KCNH6: variants seen among roughly 807,000 people sequenced by gnomAD.
KCNH6 encodes potassium voltage-gated channel subfamily H member 6.
Under a neutral mutation model 83.4 loss-of-function variants are expected in KCNH6, and 81 were observed. The observed-to-expected ratio is 0.97, with a 90% CI of 0.81 to 1.17. The LOEUF (loss-of-function observed/expected upper bound fraction) is 1.17. Among genes scored for constraint, KCNH6 ranks in the 50% most tolerant of loss-of-function variants. KCNH6 has a pLI of 0.00. For synonymous variants in KCNH6, 503 were observed against 545.6 expected (o/e 0.92, Z 1.09); for missense variants, 1,203 against 1,290.5 (o/e 0.93, Z 1.04).
chr17:63,538,257 T>G lies in KCNH6; in HGVS notation c.1694T>G (p.Met565Arg), dbSNP rs1400688345. ...TGGTCCTACACCAATGGCATTGACA[T>G]GAACGCGGTGAGCCCCGCCGCTCCG... ...HAWSYTNGID[M>R]NAVLKGFPEC... Residue 565 changes from methionine (M) to arginine (R), a missense_variant, in exon 7 of 13, where the codon ATG becomes AGG. By Grantham distance (91) the Met-to-Arg change is moderately conservative. Coordinates refer to ENST00000314672, the MANE Select transcript of KCNH6 (RefSeq NM_001278919.2). The surrounding 1 kb of genome is among the most constrained non-coding windows in gnomAD (Gnocchi z 4.0). 5 of 1,613,662 alleles carry G rather than the reference T, an allele frequency of 3.1e-6. No individual in the cohort carries two copies. The highest frequency in any genetic ancestry group is 4.2e-6 in the Non-Finnish European group (5 of 1,179,928).
At chr17:63,541,636 G>A (rs1377143584) in intron 8 of KCNH6, among the ~76,000 whole-genome samples, 2 of 152,160 alleles carry the variant, frequency 1.3e-5, no homozygotes, top group East Asian at 3.9e-4. Flanking sequence ...CACCTCATCT[G>A]CTTCCCTGAA....
chr17:63,531,755 A>AG (rs1396660717), intron 4 of KCNH6, among the ~76,000 whole-genome samples: 1 of 152,104 alleles, frequency 6.6e-6, no homozygotes, highest in Non-Finnish European at 1.5e-5. Flanking sequence ...GCTACCACGG[A>AG]GGGGGCTGTT....
Position 63,523,364 on chromosome 17 carries a change from G to A in KCNH6, c.-50G>A, listed in dbSNP as rs772620848. The A allele has an allele frequency of 2.1e-5, 32 of 1,522,810 alleles. No individual in the cohort carries two copies. Among genetic ancestry groups the A allele is most frequent in the Admixed American group, 9.5e-5 (5 of 52,880 alleles). The allele number at this position is 1,522,810 out of a possible 1,614,324, so 94.3% of individuals were successfully genotyped here. On this transcript the variant is annotated 5_prime_UTR_variant, in exon 1 of 13. Coordinates refer to ENST00000314672, the MANE Select transcript of KCNH6 (RefSeq NM_001278919.2). The surrounding 1 kb of genome is among the most constrained non-coding windows in gnomAD (Gnocchi z 4.2). Reference sequence around the variant, plus strand: ...GCTGAGCCCGAGGACAGACGGAGACGCCGGGAGCCAGTGGCGCCTGTGGCT... The same window carrying A: ...GCTGAGCCCGAGGACAGACGGAGACACCGGGAGCCAGTGGCGCCTGTGGCT...
Position 63,538,301 on chromosome 17 carries a change from G to GA in KCNH6, c.1701+37_1701+38insA, listed in dbSNP as rs757878179. On this transcript the variant is annotated intron_variant, in intron 7 of 12. Transcript: ENST00000314672. This position sits in a 1 kb window ranked among gnomAD's most constrained non-coding sequence, Gnocchi z 4.0. ...CGCTCCGGCTAATGCCCCGGGCGTG[G>GA]GGGGGAGCCAAGATCCTGCGGGGGC... The GA allele has an allele frequency of 4.4e-5, 70 of 1,608,478 alleles. 1 individual carries two copies. The highest frequency in any genetic ancestry group is 2.7e-4 in the South Asian group (25 of 91,044).
downstream of KCNH6, among the ~76,000 whole-genome samples, chr17:63,548,143 G>A (rs1194334047): frequency 6.6e-6 from 1 of 152,132 alleles, no homozygotes; most frequent in African/African-American, 2.4e-5. Flanking sequence ...GCAGGTGCCT[G>A]TAGTCCCAGC....
chr17:63,536,825 A>G (rs1028967315), intron 6 of KCNH6, among the ~76,000 whole-genome samples: 3 of 150,802 alleles, frequency 2.0e-5, no homozygotes, highest in African/African-American at 7.3e-5. Flanking sequence ...GTGGTGGTAC[A>G]CACCTGTAAT....
In KCNH6 at chr17:63,545,089, G is replaced by C; in HGVS notation, c.2408G>C (p.Arg803Pro). 1 of 1,613,046 alleles carries C rather than the reference G, an allele frequency of 6.2e-7. No homozygotes were observed. Among genetic ancestry groups the C allele is most frequent in the East Asian group, 2.2e-5 (1 of 44,886 alleles). Residue 803 changes from arginine (R) to proline (P), a missense_variant, in exon 12 of 13, where the codon CGC becomes CCC. Arg to Pro is a moderately radical substitution (Grantham distance 103). Coordinates refer to ENST00000314672, the MANE Select transcript of KCNH6 (RefSeq NM_001278919.2). ...LQAQMNRLES[R>P]VSSDLSRILQ... is the part of the protein sequence containing the mutation. ...GTTCTGTCTGGCAGGCTGGAGTCCC[G>C]CGTGTCCTCAGACCTCAGCCGCATC...
intron 8 of KCNH6, among the ~76,000 whole-genome samples, chr17:63,541,108 G>C (rs1216798141): frequency 2.6e-5 from 4 of 152,118 alleles, no homozygotes. Context: ...ATCTTGCAGG[G>C]ATTTGGGAGG....
intron 2 of KCNH6, among the ~76,000 whole-genome samples, chr17:63,529,705 C>G (rs1200817943): frequency 6.6e-6 from 1 of 152,138 alleles, no homozygotes; most frequent in African/African-American, 2.4e-5. Flanking sequence ...GGGAAGAGCG[C>G]CCAGGGCCAA....
In KCNH6 at chr17:63,542,395, C is replaced by T. The variant is rs1247566024; in HGVS notation, c.2109C>T (p.Ser703=). 6.2e-7 allele frequency: 1 copy of T among 1,614,038 alleles called. No homozygotes were observed. The highest frequency in any genetic ancestry group is 8.5e-7 in the Non-Finnish European group (1 of 1,180,040). Residue 703 remains serine (S), a synonymous_variant, in exon 9 of 13, where the codon AGC becomes AGT. Transcript: ENST00000314672. ...ACATGTACCCGGCCTTTGCGGAGAG[C>T]TTCTGGAGTAAGCTGGAGGTCACCT... ...VLDMYPAFAE[S]FWSKLEVTFN... is the part of the protein sequence containing the mutation.
At position 63,545,065 on chromosome 17, in the gene KCNH6, T is replaced by C. The variant is rs780200583; in HGVS notation, c.2397-13T>C. ...GCCAGCCCTGACCCTGACTGTGGGG[T>C]TCTGTCTGGCAGGCTGGAGTCCCGC... On this transcript the variant is annotated splice_polypyrimidine_tract_variant and intron_variant, in intron 11 of 12. Transcript: ENST00000314672. The C allele has an allele frequency of 6.2e-7, 1 of 1,610,830 alleles. No homozygotes were observed.
chr17:63,541,288 T>A (rs2032845400), intron 8 of KCNH6, among the ~76,000 whole-genome samples: 1 of 86,302 alleles, frequency 1.2e-5, no homozygotes, highest in Admixed American at 9.5e-5. Context: ...GCCTCTTGCT[T>A]TTTTTTTTTT....
Position 63,535,600 on chromosome 17 carries a change from A to C in KCNH6, c.1102-69A>C. ...TATGTGGTTGTATGCATGAGTGAAC[A>C]AAAGCAGGCCTGACTGCACCCTTCC... On this transcript the variant is annotated intron_variant, in intron 5 of 12. Coordinates refer to ENST00000314672, the MANE Select transcript of KCNH6 (RefSeq NM_001278919.2). This position sits in a 1 kb window ranked among gnomAD's most constrained non-coding sequence, Gnocchi z 4.9. 1 of 1,457,988 alleles carries C rather than the reference A, an allele frequency of 6.9e-7. No individual in the cohort carries two copies. The highest frequency in any genetic ancestry group is 9.3e-7 in the Non-Finnish European group (1 of 1,079,074). The allele number at this position is 1,457,988 out of a possible 1,614,324, so 90.3% of individuals were successfully genotyped here.
chr17:63,545,666 A>G lies in KCNH6; in HGVS notation c.2641A>G (p.Arg881Gly), dbSNP rs1010718489. 52 of 1,613,900 alleles carry G rather than the reference A, an allele frequency of 3.2e-5. No individual in the cohort carries two copies. The highest frequency in any genetic ancestry group is 4.3e-5 in the Non-Finnish European group (51 of 1,179,996). Residue 881 changes from arginine to glycine, a missense_variant, in exon 13 of 13, where the codon AGG becomes GGG. Coordinates refer to ENST00000314672, the MANE Select transcript of KCNH6 (RefSeq NM_001278919.2). ...CSPKHRNSSP[R>G]MPHLAVATDK... is the part of the protein sequence containing the mutation. ...TCCAAAGCACAGGAACTCCTCCCCCAGGATGCCTCACCTGGCTGTGGCAAC... is the reference window on the plus strand; with the variant it reads ...TCCAAAGCACAGGAACTCCTCCCCCGGGATGCCTCACCTGGCTGTGGCAAC...
At chr17:63,530,660 C>A in intron 4 of KCNH6, 118 bp downstream of exon 4, 2 of 869,830 alleles carry the variant, frequency 2.3e-6, no homozygotes, top group Non-Finnish European at 1.8e-6. Context: ...GCCTGTCCAG[C>A]CTCTAATATC....
In KCNH6 at chr17:63,535,053, C is replaced by T. The variant is rs2032391532; in HGVS notation, c.1102-616C>T. On this transcript the variant is annotated intron_variant, in intron 5 of 12. Coordinates refer to ENST00000314672, the MANE Select transcript of KCNH6 (RefSeq NM_001278919.2). This position sits in a 1 kb window ranked among gnomAD's most constrained non-coding sequence, Gnocchi z 4.9. ...ACAGCTGCCACAGCGACTTTCAGATCGCCTACCTGACCCTGTGTTCCACCC... is the reference window on the plus strand; with the variant it reads ...ACAGCTGCCACAGCGACTTTCAGATTGCCTACCTGACCCTGTGTTCCACCC... Among the ~76,000 whole-genome samples the T allele has an allele frequency of 6.6e-6, 1 of 152,158 alleles. No individual in the cohort carries two copies. Among genetic ancestry groups the T allele is most frequent in the South Asian group, 2.1e-4 (1 of 4,830 alleles).
intron 2 of KCNH6, among the ~76,000 whole-genome samples, chr17:63,526,424 C>A (rs1003787160): frequency 2.1e-5 from 3 of 142,182 alleles, no homozygotes; most frequent in African/African-American, 8.0e-5. Context: ...CAGGGTCTTG[C>A]TCTGTCACGC....
rs755229591 is a variant in KCNH6, at chr17:63,545,069, G to A, written c.2397-9G>A. On this transcript the variant is annotated splice_polypyrimidine_tract_variant and intron_variant, in intron 11 of 12. Transcript: ENST00000314672. The stretch of plus-strand genomic sequence containing the variant: ...GCCCTGACCCTGACTGTGGGGTTCT[G>A]TCTGGCAGGCTGGAGTCCCGCGTGT... 9.7e-5 allele frequency: 156 copies of A among 1,611,538 alleles called. No homozygotes were observed. The highest frequency in any genetic ancestry group is 8.3e-4 in the Middle Eastern group (5 of 6,048).
intron 2 of KCNH6, among the ~76,000 whole-genome samples, chr17:63,526,949 T>C (rs956881044): frequency 6.6e-6 from 1 of 152,078 alleles, no homozygotes; most frequent in Non-Finnish European, 1.5e-5. Context: ...GGTGAGAACC[T>C]AACAGATAAG....
Sources: gnomAD v4.1 joint callset for allele counts (sites outside exome capture counted in the v4.1 genomes callset) on GRCh38, gnomAD v4.1.1 for gene constraint, Gnocchi (gnomAD v3.1) non-coding constraint, MANE v1.5 for transcripts, NCBI Gene and HGNC (gene_info 2026-07-23, HGNC 2026-07-21) for gene names.